Variants in UTRN observed in about 807,000 individuals in gnomAD.
UTRN encodes dystrophin-related protein 1.
A neutral mutation model predicts 463.9 loss-of-function variants in UTRN; 283 were observed. The ratio of observed to expected loss-of-function variants is 0.61; its 90% confidence interval spans 0.55 to 0.67. UTRN has a LOEUF of 0.67. Ranked by LOEUF, UTRN falls within the 30% of genes least tolerant of loss-of-function variation. The probability of loss-of-function intolerance (pLI) is 0.00; values close to 1 mark genes in which losing one functional copy is unlikely to be tolerated. For synonymous variants in UTRN, 1,442 were observed against 1,431.5 expected (o/e 1.01, Z -0.17); for missense variants, 3,922 against 4,084.3 (o/e 0.96, Z 1.08).
chr6:144,648,606 T>G (rs1391668460), intron 51 of UTRN, among the ~76,000 whole-genome samples: 1 of 152,192 alleles, frequency 6.6e-6, no homozygotes, highest in Non-Finnish European at 1.5e-5. Context: ...GATGGGAGCC[T>G]CTCTGTCCTG....
rs1785783667 is a variant in UTRN, at chr6:144,712,125, A to T, written c.7809+11882A>T. Reference sequence around the variant, plus strand: ...CTTGTCTTTTTCTGAAATTAAAAAAAATTATTTTCCAAGTTCCTCTCCAAC... The same window carrying T: ...CTTGTCTTTTTCTGAAATTAAAAAATATTATTTTCCAAGTTCCTCTCCAAC... On this transcript the variant is annotated intron_variant, in intron 53 of 74. Coordinates refer to ENST00000367545, the MANE Select transcript of UTRN (RefSeq NM_007124.3). Among the ~76,000 whole-genome samples, 4 of 152,290 alleles carry T rather than the reference A, an allele frequency of 2.6e-5. No homozygotes were observed. In the South Asian group the frequency reaches 8.3e-4, roughly 32 times the overall value.
intron 41 of UTRN, among the ~76,000 whole-genome samples, chr6:144,529,604 T>C (rs1796862662): frequency 6.6e-6 from 1 of 152,234 alleles, no homozygotes; most frequent in African/African-American, 2.4e-5. Context: ...TGTGAATTTT[T>C]GCAAATGATA....
intron 34 of UTRN, among the ~76,000 whole-genome samples, chr6:144,501,639 TCA>T (rs1794191339): frequency 6.6e-6 from 1 of 152,194 alleles, no homozygotes; most frequent in African/African-American, 2.4e-5. Context: ...TTTTATTTTC[TCA>T]TTTCTCTATT....
chr6:144,682,768 A>G (rs1782340996), intron 52 of UTRN, among the ~76,000 whole-genome samples: 2 of 152,166 alleles, frequency 1.3e-5, no homozygotes, highest in Admixed American at 6.5e-5. Context: ...TTAAAATAGC[A>G]TGTTTGTTAT....
At chr6:144,671,209 A>G (rs1780986162) in intron 51 of UTRN, among the ~76,000 whole-genome samples, 1 of 151,744 alleles carries the variant, frequency 6.6e-6, no homozygotes, top group Admixed American at 6.6e-5. Context: ...ATCATGTAGA[A>G]TTTATAGATT....
intron 46 of UTRN, among the ~76,000 whole-genome samples, chr6:144,546,558 T>C (rs1798423217): frequency 6.6e-6 from 1 of 152,106 alleles, no homozygotes; most frequent in Non-Finnish European, 1.5e-5. Context: ...CCCAGCAGTT[T>C]GGGAGGCTGA....
chr6:144,646,074 C>G (rs1778271674), intron 51 of UTRN, among the ~76,000 whole-genome samples: 1 of 152,108 alleles, frequency 6.6e-6, no homozygotes, highest in Non-Finnish European at 1.5e-5. Flanking sequence ...GTAACAAGGC[C>G]TAGGTCTACT....
chr6:144,430,984 C>G (rs1056532637), intron 9 of UTRN, among the ~76,000 whole-genome samples: 6 of 151,852 alleles, frequency 4.0e-5, no homozygotes, highest in Non-Finnish European at 8.8e-5. Flanking sequence ...GATTGTGAAC[C>G]CAGGGCTCTC....
Position 144,418,481 on chromosome 6 carries a change from C to A in UTRN, c.142-3397C>A, listed in dbSNP as rs553343446. Among the ~76,000 whole-genome samples the A allele has an allele frequency of 6.0e-3, 916 of 151,954 alleles. 12 individuals carry two copies. Among genetic ancestry groups the A allele is most frequent in the African/African-American group, 0.02 (816 of 41,410 alleles). ...CTCGTGGTCCGCCCGCCTCGGCCTCCTAAAGTGCTGGGATTACAGGCGTGA... is the reference window on the plus strand; with the variant it reads ...CTCGTGGTCCGCCCGCCTCGGCCTCATAAAGTGCTGGGATTACAGGCGTGA... On this transcript the variant is annotated intron_variant, in intron 3 of 74. Coordinates refer to ENST00000367545, the MANE Select transcript of UTRN (RefSeq NM_007124.3).
chr6:144,373,341 G>C (rs950918537), intron 2 of UTRN, among the ~76,000 whole-genome samples: 1 of 152,170 alleles, frequency 6.6e-6, no homozygotes, highest in Non-Finnish European at 1.5e-5. Context: ...CAGCCATACA[G>C]GAAATACAGG....
rs1415310372 is a variant in UTRN at position 144,474,670 on chromosome 6, C to T, written c.3247C>T (p.Leu1083Phe). Reference sequence around the variant, plus strand: ...AAACATGAAGGAAATAGAGACTAATCTTCGAAGTGGTCCAGTTGCTGGAAT... The same window carrying T: ...AAACATGAAGGAAATAGAGACTAATTTTCGAAGTGGTCCAGTTGCTGGAAT... ...LKNMKEIETN[L>F]RSGPVAGIKT... is the part of the protein sequence containing the mutation. Residue 1083 changes from leucine (L) to phenylalanine (F), a missense_variant, in exon 25 of 75, where the codon CTT becomes TTT. Leu to Phe is a conservative substitution (Grantham distance 22). Transcript: ENST00000367545. 6.2e-7 allele frequency: 1 copy of T among 1,613,784 alleles called. No homozygotes were observed. The highest frequency in any genetic ancestry group is 2.2e-5 in the East Asian group (1 of 44,868).
chr6:144,847,989 C>G (rs556936577), intron 74 of UTRN, among the ~76,000 whole-genome samples: 2 of 152,136 alleles, frequency 1.3e-5, no homozygotes, highest in Admixed American at 6.5e-5. Flanking sequence ...AATGAGCCTT[C>G]TGAATGATTG....
At chr6:144,752,475 T>A (rs753080899) in intron 56 of UTRN, among the ~76,000 whole-genome samples, 4 of 152,162 alleles carry the variant, frequency 2.6e-5, no homozygotes, top group Non-Finnish European at 5.9e-5. Flanking sequence ...TATTTAAATA[T>A]GCAATTTTGA....
chr6:144,307,045 G>A (rs112662198), intron 2 of UTRN, among the ~76,000 whole-genome samples: 9,137 of 151,538 alleles, frequency 0.06, 902 homozygotes, highest in African/African-American at 0.21. Context: ...AGCCTGGGTG[G>A]CAGAGTGTGA....
At chr6:144,433,297 G>T (rs1442714557) in intron 9 of UTRN, among the ~76,000 whole-genome samples, 2 of 150,570 alleles carry the variant, frequency 1.3e-5, no homozygotes, top group Non-Finnish European at 3.0e-5. Flanking sequence ...CGGACGGGGC[G>T]GCTGGCCGGG....
chr6:144,468,446 G>A lies in UTRN; in HGVS notation c.3067-5274G>A, dbSNP rs191557071. Reference sequence around the variant, plus strand: ...TTTATATTCATTTGAATATTTGTGAGTAAAAATAGGTATGAGAAATGGCTG... The same window carrying A: ...TTTATATTCATTTGAATATTTGTGAATAAAAATAGGTATGAGAAATGGCTG... On this transcript the variant is annotated intron_variant, in intron 23 of 74. Coordinates refer to ENST00000367545, the MANE Select transcript of UTRN (RefSeq NM_007124.3). Among the ~76,000 whole-genome samples, 80 of 152,200 alleles carry A rather than the reference G, an allele frequency of 5.3e-4. 1 individual carries two copies. The East Asian group carries it at 0.012, about 23-fold the overall frequency.
At chr6:144,386,513 A>C (rs1273294496) in intron 2 of UTRN, among the ~76,000 whole-genome samples, 2 of 152,240 alleles carry the variant, frequency 1.3e-5, no homozygotes, top group African/African-American at 4.8e-5. Flanking sequence ...ATAGTTATGA[A>C]AATTAAAAAT....
intron 50 of UTRN, 114 bp downstream of exon 50, chr6:144,557,425 T>TG: frequency 1.0e-6 from 1 of 988,054 alleles, no homozygotes; most frequent in East Asian, 3.0e-5. Flanking sequence ...CATTTTATTA[T>TG]TATGTATTTT....
chr6:144,420,123 T>C (rs1337869917), intron 3 of UTRN, among the ~76,000 whole-genome samples: 3 of 152,184 alleles, frequency 2.0e-5, no homozygotes, highest in African/African-American at 7.2e-5. Flanking sequence ...TTGCTTCATA[T>C]GAATGATATG....
Sources: allele counts gnomAD v4.1 joint callset (sites outside exome capture counted in the v4.1 genomes callset), GRCh38; gene constraint gnomAD v4.1.1; transcripts MANE v1.5; gene names NCBI Gene and HGNC (gene_info 2026-07-23, HGNC 2026-07-21).